Variants in PAK3 observed in about 807,000 individuals in gnomAD.
PAK3 encodes the protein serine/threonine-protein kinase PAK 3.
PAK3 carries 4 observed loss-of-function variants against 41.0 expected under a neutral mutation model. That is an observed-to-expected ratio of 0.10 (90% CI 0.05 to 0.22). The LOEUF (loss-of-function observed/expected upper bound fraction) is 0.22. PAK3 is among the 10% of genes least tolerant of loss of function. The probability of loss-of-function intolerance (pLI) is 1.00; values close to 1 mark genes in which losing one functional copy is unlikely to be tolerated. For missense variants in PAK3, 205 were observed against 409.9 expected, an observed-to-expected ratio of 0.50 and a Z score of 4.32; for synonymous variants, 146 against 139.6, an observed-to-expected ratio of 1.05 and a Z score of -0.32.
chrX:111,045,249 C>T (rs1272719925), intron 1 of PAK3, among the ~76,000 whole-genome samples: 2 of 112,253 alleles, frequency 1.8e-5, no homozygotes, highest in African/African-American at 6.5e-5. Context: ...TCAATTTGAA[C>T]GTGCTAAGGT....
intron 11 of PAK3, among the ~76,000 whole-genome samples, chrX:111,190,426 G>A (rs1344361917): frequency 1.8e-5 from 2 of 111,517 alleles, no homozygotes; most frequent in Non-Finnish European, 3.8e-5. Flanking sequence ...GATTACATAA[G>A]ATAAATTATC....
At chrX:111,025,020 G>A (rs1029257897) in intron 1 of PAK3, among the ~76,000 whole-genome samples, 4 of 111,338 alleles carry the variant, frequency 3.6e-5, no homozygotes, top group Non-Finnish European at 7.6e-5. Flanking sequence ...CAAATACATG[G>A]AAATTAAATA....
intron 1 of PAK3, among the ~76,000 whole-genome samples, chrX:111,050,662 G>A (rs1266681401): frequency 8.9e-6 from 1 of 111,822 alleles, no homozygotes; most frequent in East Asian, 2.8e-4. Flanking sequence ...TTCACCTCAC[G>A]AGCAGCTGTT....
intron 1 of PAK3, among the ~76,000 whole-genome samples, chrX:111,004,702 C>T (rs1031619152): frequency 1.8e-4 from 20 of 112,097 alleles, no homozygotes; most frequent in Non-Finnish European, 3.8e-4. Flanking sequence ...GACAAGGAGT[C>T]CTCCAGTGAA....
chrX:111,055,866 C>T (rs1250213876), intron 1 of PAK3, among the ~76,000 whole-genome samples: 2 of 111,682 alleles, frequency 1.8e-5, no homozygotes, highest in Non-Finnish European at 3.8e-5. Flanking sequence ...GAAGCAGCCT[C>T]CATTTCATGA....
At chrX:111,134,191 C>A (rs1396723430) in intron 5 of PAK3, among the ~76,000 whole-genome samples, 2 of 111,827 alleles carry the variant, frequency 1.8e-5, no homozygotes, top group East Asian at 5.7e-4. Context: ...TTGAACCATG[C>A]CCAGCTATGT....
In PAK3 at chrX:110,995,169, A is replaced by T. The variant is rs139965694; in HGVS notation, c.-28+50541A>T. Among the ~76,000 whole-genome samples, 31 of 111,316 alleles carry T rather than the reference A, an allele frequency of 2.8e-4. No homozygotes were observed. In the East Asian group the frequency reaches 8.5e-3, roughly 31 times the overall value. ...CCTACCCCTCTCCCCTAGAAAGCAT[A>T]AAAAAACCAGTGTTGGGGTTAGTAG... On this transcript the variant is annotated intron_variant, in intron 1 of 14. Transcript: ENST00000425146.
At chrX:110,952,390 G>A (rs1230561813) in intron 1 of PAK3, among the ~76,000 whole-genome samples, 1 of 111,657 alleles carries the variant, frequency 9.0e-6, no homozygotes, top group Admixed American at 9.5e-5. Flanking sequence ...CCATTTTACA[G>A]ATGGAGAACA....
In PAK3 at chrX:111,111,361, G is replaced by T. The variant is rs992842557; in HGVS notation, c.-28+8055G>T. On this transcript the variant is annotated intron_variant, in intron 4 of 17. Transcript: ENST00000372007. ...TAGATATGTGTCTTGCTTCCCACTA[G>T]ATATTTCTAGTTAAGTTTTTACTGA... Among the ~76,000 whole-genome samples, 3 of 111,510 alleles carry T rather than the reference G, an allele frequency of 2.7e-5. No individual in the cohort carries two copies. In the East Asian group the frequency reaches 8.5e-4, roughly 31 times the overall value.
Position 111,152,402 on chromosome X carries a change from C to T in PAK3, c.431-8C>T, listed in dbSNP as rs2094041698. 1 of 1,156,775 alleles carries T rather than the reference C, an allele frequency of 8.6e-7. No homozygotes were observed. Among genetic ancestry groups the T allele is most frequent in the African/African-American group, 1.8e-5 (1 of 55,649 alleles). ...AACAAAAATGACCTCTCTATTCTCA[C>T]TTTGCAGATAAAAGTGCACATGGAT... On this transcript the variant is annotated splice_region_variant and splice_polypyrimidine_tract_variant and intron_variant, in intron 7 of 17. Coordinates refer to ENST00000372007, the MANE Select transcript of PAK3 (RefSeq NM_002578.5).
chrX:111,123,699 A>G (rs760501008), intron 5 of PAK3, among the ~76,000 whole-genome samples: 83 of 112,052 alleles, frequency 7.4e-4, no homozygotes, highest in African/African-American at 2.6e-3. Flanking sequence ...TGAATTCAGT[A>G]TATGAGAATC....
At chrX:111,081,705 A>C (rs1047905630) in intron 1 of PAK3, among the ~76,000 whole-genome samples, 3 of 112,230 alleles carry the variant, frequency 2.7e-5, no homozygotes, top group African/African-American at 6.5e-5. Flanking sequence ...CATGTTGTAC[A>C]GAATATATGC....
intron 11 of PAK3, among the ~76,000 whole-genome samples, chrX:111,185,112 T>A (rs1164845833): frequency 1.8e-5 from 2 of 112,345 alleles, no homozygotes; most frequent in African/African-American, 6.5e-5. Context: ...TGAGATGGTA[T>A]CTCATTGTGA....
chrX:111,159,403 C>G (rs1478599922), intron 8 of PAK3, among the ~76,000 whole-genome samples: 1 of 111,172 alleles, frequency 9.0e-6, no homozygotes, highest in Non-Finnish European at 1.9e-5. Context: ...AACACTTTCA[C>G]GGGCCCATGT....
At chrX:111,204,323 ATTATG>A (rs2094715874) in intron 16 of PAK3, among the ~76,000 whole-genome samples, 1 of 111,346 alleles carries the variant, frequency 9.0e-6, no homozygotes. Flanking sequence ...TTATGCTACT[ATTATG>A]TTATAATTTC....
intron 1 of PAK3, among the ~76,000 whole-genome samples, chrX:111,029,317 G>C (rs778502741): frequency 1.3e-4 from 14 of 111,187 alleles, no homozygotes; most frequent in Non-Finnish European, 2.5e-4. Context: ...GTTGACCCTG[G>C]AACCATATGG....
At chrX:111,096,869 T>TAAACACACAC (rs2093003650) in intron 1 of PAK3, 2 of 72,208 alleles carry the variant, frequency 2.8e-5, no homozygotes, top group African/African-American at 1.0e-4. Context: ...CCCCGCCCCT[T>TAAACACACAC]ACACACACAC....
chrX:111,039,994 C>CAAAAA (rs141289134), intron 1 of PAK3, among the ~76,000 whole-genome samples: 3 of 49,276 alleles, frequency 6.1e-5, no homozygotes, highest in African/African-American at 1.4e-4. Context: ...GTAGATGGAG[C>CAAAAA]AAAAAAAAAA....
chrX:110,999,611 T>C (rs1427173943), intron 1 of PAK3, among the ~76,000 whole-genome samples: 1 of 108,606 alleles, frequency 9.2e-6, no homozygotes, highest in Non-Finnish European at 1.9e-5. Flanking sequence ...AATTTATACA[T>C]GCAAGGTATT....
Sources: allele counts gnomAD v4.1 joint callset (sites outside exome capture counted in the v4.1 genomes callset), GRCh38; gene constraint gnomAD v4.1.1; transcripts MANE v1.5; gene names NCBI Gene and HGNC (gene_info 2026-07-23, HGNC 2026-07-21).